The following JMJD1C variants were observed in gnomAD, a reference collection of about 807,000 sequenced individuals.
JMJD1C encodes the protein jumonji domain-containing protein 1C.
Under a neutral mutation model 245.3 loss-of-function variants are expected in JMJD1C, and 31 were observed. The ratio of observed to expected loss-of-function variants is 0.13; its 90% CI spans 0.09 to 0.17. The LOEUF (loss-of-function observed/expected upper bound fraction) is 0.17, where lower values mean the gene tolerates loss of function less well. Among genes scored for constraint, JMJD1C ranks in the 10% least tolerant of loss-of-function variants. The pLI is 1.00. For missense variants in JMJD1C, 2,691 were observed against 3,000.2 expected (o/e 0.90, Z 2.41); for synonymous variants, 1,057 against 1,017.4 (o/e 1.04, Z -0.74).
chr10:63,295,492 G>T (rs1193745257), intron 2 of JMJD1C, among the ~76,000 whole-genome samples: 1 of 152,062 alleles, frequency 6.6e-6, no homozygotes, highest in Non-Finnish European at 1.5e-5. Flanking sequence ...TGTCTTCATT[G>T]GCTGCTTTCT....
rs10995529 is a variant in JMJD1C at position 63,398,771 on chromosome 10, G to A, written c.169-18289C>T. 1.8e-4 allele frequency among the ~76,000 whole-genome samples: 27 copies of A among 152,202 alleles called. No individual in the cohort carries two copies. The East Asian group carries it at 5.2e-3, about 29-fold the overall frequency. ...CGATTCTCATGCCTCAGCCACCTGA[G>A]TAACCTGGGATTACAGGCGTGTGCC... On this transcript the variant is annotated intron_variant, in intron 1 of 25. Transcript: ENST00000399262.
At chr10:63,169,886 C>CA (rs1273562942) in intron 24 of JMJD1C, among the ~76,000 whole-genome samples, 1 of 152,102 alleles carries the variant, frequency 6.6e-6, no homozygotes, top group African/African-American at 2.4e-5. Context: ...ACAAATCAGC[C>CA]AATAAATGGC....
At chr10:63,271,314 C>G (rs1856269949) in intron 2 of JMJD1C, among the ~76,000 whole-genome samples, 2 of 150,568 alleles carry the variant, frequency 1.3e-5, no homozygotes, top group Admixed American at 1.3e-4. Flanking sequence ...GTAGCTGGGA[C>G]TATAGACACG....
chr10:63,180,274 G>C (rs2132849594), intron 22 of JMJD1C, among the ~76,000 whole-genome samples: 1 of 152,314 alleles, frequency 6.6e-6, no homozygotes, highest in South Asian at 2.1e-4. Context: ...GCCTCCCAAA[G>C]TGCTGGGATT....
At chr10:63,298,835 C>T (rs745430393) in intron 2 of JMJD1C, among the ~76,000 whole-genome samples, 4 of 152,218 alleles carry the variant, frequency 2.6e-5, no homozygotes, top group African/African-American at 9.6e-5. Context: ...CGGGTTCAAG[C>T]GATTCTCCTG....
At chr10:63,450,998 T>C (rs1212992081) in intron 1 of JMJD1C, among the ~76,000 whole-genome samples, 2 of 149,894 alleles carry the variant, frequency 1.3e-5, no homozygotes, top group African/African-American at 2.4e-5. Flanking sequence ...GATAAATCAG[T>C]TGTGTTTCTA....
chr10:63,484,241 GATAGATAGATAGATA>G (rs1564963382), intron 1 of JMJD1C, among the ~76,000 whole-genome samples: 1,171 of 45,638 alleles, frequency 0.026, 9 homozygotes, highest in African/African-American at 0.072. Context: ...TGGATGGATA[GATAGATAGATAGATA>G]GATAGATAGA....
intron 1 of JMJD1C, among the ~76,000 whole-genome samples, chr10:63,429,057 C>T (rs868326669): frequency 3.9e-5 from 6 of 152,086 alleles, no homozygotes; most frequent in African/African-American, 1.4e-4. Flanking sequence ...CTCAGCTTAC[C>T]GTAACCTCTA....
At chr10:63,351,705 T>C (rs1472226347) in intron 2 of JMJD1C, among the ~76,000 whole-genome samples, 2 of 152,128 alleles carry the variant, frequency 1.3e-5, no homozygotes, top group Admixed American at 6.6e-5. Flanking sequence ...TAACTACTCA[T>C]TGGGATAACA....
chr10:63,513,538 A>G (rs1370417942), intron 1 of JMJD1C, among the ~76,000 whole-genome samples: 1 of 152,262 alleles, frequency 6.6e-6, no homozygotes, highest in Non-Finnish European at 1.5e-5. Flanking sequence ...ACAGAATGGG[A>G]GAAAGTATTC....
intron 3 of JMJD1C, among the ~76,000 whole-genome samples, chr10:63,261,343 G>T (rs937009016): frequency 7.0e-4 from 106 of 152,280 alleles, no homozygotes; most frequent in African/African-American, 2.4e-3. Flanking sequence ...ACTTTTGGAG[G>T]CCAAGGCGGG....
intron 24 of JMJD1C, among the ~76,000 whole-genome samples, chr10:63,169,738 A>G (rs1264885709): frequency 6.6e-6 from 1 of 152,192 alleles, no homozygotes; most frequent in Non-Finnish European, 1.5e-5. Flanking sequence ...GTTCCTCTGG[A>G]GGATGAACAT....
At chr10:63,391,959 A>C (rs577669102) in intron 1 of JMJD1C, among the ~76,000 whole-genome samples, 1 of 152,306 alleles carries the variant, frequency 6.6e-6, no homozygotes, top group African/African-American at 2.4e-5. Flanking sequence ...ATCATGTACT[A>C]ACCAGGCTTT....
chr10:63,455,166 G>T (rs1952330068), intron 1 of JMJD1C, among the ~76,000 whole-genome samples: 2 of 152,152 alleles, frequency 1.3e-5, no homozygotes, highest in African/African-American at 4.8e-5. Flanking sequence ...ATCGGGGCAG[G>T]TGTGGGAGTG....
chr10:63,455,960 G>A (rs1952383662), intron 1 of JMJD1C, among the ~76,000 whole-genome samples: 1 of 152,072 alleles, frequency 6.6e-6, no homozygotes, highest in Non-Finnish European at 1.5e-5. Flanking sequence ...TATATTAACT[G>A]TAAGCATATT....
intron 1 of JMJD1C, among the ~76,000 whole-genome samples, chr10:63,483,934 A>C (rs1038632166): frequency 6.6e-6 from 1 of 152,232 alleles, no homozygotes; most frequent in African/African-American, 2.4e-5. Context: ...TCAGCATGTC[A>C]TAACTACTAA....
chr10:63,455,659 G>GA (rs1409561006), intron 1 of JMJD1C, among the ~76,000 whole-genome samples: 9 of 151,160 alleles, frequency 6.0e-5, no homozygotes, highest in Non-Finnish European at 8.9e-5. Flanking sequence ...CCTTCTCTCT[G>GA]AAAAAAGAAC....
intron 3 of JMJD1C, among the ~76,000 whole-genome samples, chr10:63,223,353 G>A (rs1848854046): frequency 6.6e-6 from 1 of 151,096 alleles, no homozygotes; most frequent in South Asian, 2.1e-4. Flanking sequence ...TCAGCTTCCT[G>A]AGTAGCTGGG....
rs955722038 is a variant in JMJD1C at position 63,214,758 on chromosome 10, A to T, written c.1409T>A (p.Val470Asp). 1 of 1,613,500 alleles carries T rather than the reference A, an allele frequency of 6.2e-7. No homozygotes were observed. Among genetic ancestry groups the T allele is most frequent in the African/African-American group, 1.3e-5 (1 of 74,888 alleles). ...TAAATCATTAGAATTATGATCAGAA[A>T]CTGTGGACTGTTCTGACGAATGAAT... ...MIIHSSEQSTVSDHNSNDLLP... is the reference protein window; with the variant it reads ...MIIHSSEQSTDSDHNSNDLLP... Residue 470 changes from valine (V) to aspartate (D), a missense_variant, in exon 8 of 26, where the codon GTT becomes GAT. Around this residue, in one of 9 missense-constraint regions of JMJD1C, gnomAD observed 1,562 missense variants for 1,490.7 expected, o/e 1.05. Transcript: ENST00000399262.
Sources: allele counts gnomAD v4.1 joint callset (sites outside exome capture counted in the v4.1 genomes callset), GRCh38; gene constraint gnomAD v4.1.1; regional missense constraint gnomAD v4.1.1; transcripts MANE v1.5; gene names NCBI Gene and HGNC (gene_info 2026-07-23, HGNC 2026-07-21).